Variants in INTS13 observed in about 807,000 individuals in gnomAD.
INTS13 encodes asunder, spermatogenesis regulator homolog (Drosphila).
A neutral mutation model predicts 90.2 loss-of-function variants in INTS13; 35 were observed. The observed-to-expected ratio is 0.39, with a 90% confidence interval of 0.30 to 0.51. The LOEUF (loss-of-function observed/expected upper bound fraction) is 0.51. Among genes scored for constraint, INTS13 ranks in the 20% least tolerant of loss-of-function variants. INTS13 has a pLI of 0.80. For missense variants in INTS13, 601 were observed against 851.2 expected (o/e 0.71, Z 3.66); for synonymous variants, 309 against 277.1 (o/e 1.11, Z -1.14).
At chr12:26,926,690 C>A (rs1366170064) in intron 5 of INTS13, among the ~76,000 whole-genome samples, 2 of 152,194 alleles carry the variant, frequency 1.3e-5, no homozygotes, top group African/African-American at 4.8e-5. Context: ...TCCTAAATGA[C>A]AGGGGTGCTA....
intron 15 of INTS13, 118 bp downstream of exon 15, chr12:26,911,059 TC>T (rs1951760364): frequency 1.8e-6 from 2 of 1,136,718 alleles, no homozygotes; most frequent in Admixed American, 5.3e-5. Flanking sequence ...GGTCTTGAAT[TC>T]CTGACCTCAG....
At chr12:26,938,018 G>C (rs1473150638), upstream of INTS13, 3 of 149,106 alleles carry the variant, frequency 2.0e-5, no homozygotes, top group Admixed American at 6.6e-5. Context: ...CACGCACTCG[G>C]GCTCGCGCGT....
chr12:26,911,554 A>G (rs2137418742), intron 14 of INTS13, among the ~76,000 whole-genome samples: 1 of 152,332 alleles, frequency 6.6e-6, no homozygotes, highest in East Asian at 1.9e-4. Context: ...TAGCTGTAAA[A>G]TATAAAAAAA....
chr12:26,920,229 C>T (rs1952070111), intron 8 of INTS13, among the ~76,000 whole-genome samples: 1 of 152,110 alleles, frequency 6.6e-6, no homozygotes, highest in African/African-American at 2.4e-5. Context: ...GTAAAACCTG[C>T]CTAACTCTTA....
intron 10 of INTS13, among the ~76,000 whole-genome samples, chr12:26,916,432 G>A (rs1951938334): frequency 6.6e-6 from 1 of 152,062 alleles, no homozygotes; most frequent in African/African-American, 2.4e-5. Flanking sequence ...GGCATAATAC[G>A]TTTGGCTATA....
intron 14 of INTS13, among the ~76,000 whole-genome samples, chr12:26,913,025 C>T (rs188022907): frequency 6.6e-6 from 1 of 152,258 alleles, no homozygotes; most frequent in Admixed American, 6.5e-5. Flanking sequence ...ACCACTGCAC[C>T]CAGCCTGCAA....
intron 5 of INTS13, among the ~76,000 whole-genome samples, chr12:26,927,357 G>GT (rs1419887759): frequency 2.0e-5 from 3 of 152,196 alleles, no homozygotes; most frequent in African/African-American, 7.2e-5. Context: ...TCCAAGGATT[G>GT]TCATAATTGA....
intron 8 of INTS13, 64 bp downstream of exon 8, chr12:26,922,552 G>A (rs893387881): frequency 8.9e-6 from 11 of 1,235,736 alleles, no homozygotes; most frequent in Non-Finnish European, 1.1e-5. Flanking sequence ...GAGGATGTGG[G>A]GGCTACTGTA....
intron 2 of INTS13, among the ~76,000 whole-genome samples, chr12:26,935,963 T>C (rs1465829460): frequency 6.6e-6 from 1 of 152,218 alleles, no homozygotes; most frequent in Non-Finnish European, 1.5e-5. Flanking sequence ...CAATCATCCA[T>C]TTCTCTTCTT....
At chr12:26,929,070 C>G in intron 3 of INTS13, 165 bp from the exon 4 acceptor site, 1 of 599,974 alleles carries the variant, frequency 1.7e-6, no homozygotes, top group Non-Finnish European at 2.9e-6. Flanking sequence ...GAATTATACA[C>G]CATGAACAAG....
intron 3 of INTS13, among the ~76,000 whole-genome samples, chr12:26,930,570 C>T (rs1312789163): frequency 2.6e-5 from 4 of 152,218 alleles, no homozygotes; most frequent in Admixed American, 6.5e-5. Flanking sequence ...TTCTTGAACA[C>T]CAGTGATTTG....
chr12:26,928,568 A>AAT, intron 4 of INTS13, 135 bp downstream of exon 4: 1 of 872,584 alleles, frequency 1.1e-6, no homozygotes, highest in Non-Finnish European at 1.7e-6. Flanking sequence ...AAAAAAAAAA[A>AAT]GAAAAAAATC....
At chr12:26,914,233 G>C in intron 12 of INTS13, 105 bp from the exon 13 acceptor site, 1 of 1,212,088 alleles carries the variant, frequency 8.3e-7, no homozygotes, top group Non-Finnish European at 1.1e-6. Context: ...GATTATCATG[G>C]TGAAGGAATC....
At chr12:26,920,523 C>T (rs1202663608) in intron 8 of INTS13, among the ~76,000 whole-genome samples, 2 of 151,858 alleles carry the variant, frequency 1.3e-5, no homozygotes, top group African/African-American at 4.8e-5. Context: ...CTCAGCATCC[C>T]GAGTAGCTGG....
chr12:26,916,935 A>C (rs928285842), intron 10 of INTS13, among the ~76,000 whole-genome samples: 2 of 152,178 alleles, frequency 1.3e-5, no homozygotes, highest in Non-Finnish European at 2.9e-5. Context: ...TCCACCTTTG[A>C]TTTGATTTAA....
rs1448307669 is a variant in INTS13 at position 26,928,750 on chromosome 12, T to C, written c.456A>G (p.Glu152=). 1.9e-6 allele frequency: 3 copies of C among 1,614,060 alleles called. No homozygotes were observed. Among genetic ancestry groups the C allele is most frequent in the Non-Finnish European group, 2.5e-6 (3 of 1,180,040 alleles). Residue 152 remains glutamate (E), a synonymous_variant, in exon 4 of 17, where the codon GAA becomes GAG. Coordinates refer to ENST00000261191, the MANE Select transcript of INTS13 (RefSeq NM_018164.3). ...EARTLLMENA[E]RVGNRGRIIC... ...TTATTCGTCCTCTATTTCCAACACG[T>C]TCTGCATTCTCCATGAGTAGAGTAC...
intron 15 of INTS13, among the ~76,000 whole-genome samples, chr12:26,909,470 C>CT (rs1491238577): frequency 5.6e-5 from 7 of 125,260 alleles, no homozygotes; most frequent in African/African-American, 2.2e-4. Flanking sequence ...ATAGATAATA[C>CT]TCTTTTTTTT....
intron 14 of INTS13, among the ~76,000 whole-genome samples, chr12:26,912,347 G>C (rs913117495): frequency 6.6e-6 from 1 of 152,118 alleles, no homozygotes; most frequent in African/African-American, 2.4e-5. Context: ...TAAGGCATGA[G>C]AATCACTTGA....
intron 10 of INTS13, among the ~76,000 whole-genome samples, chr12:26,916,961 G>T (rs892848526): frequency 5.3e-5 from 8 of 152,096 alleles, no homozygotes; most frequent in African/African-American, 1.9e-4. Flanking sequence ...AATGGGCCAA[G>T]ATAAATGGTC....
Sources: gnomAD v4.1 joint callset for allele counts (sites outside exome capture counted in the v4.1 genomes callset) on GRCh38, gnomAD v4.1.1 for gene constraint, MANE v1.5 for transcripts, NCBI Gene and HGNC (gene_info 2026-07-23, HGNC 2026-07-21) for gene names.